Variants in METAP1D observed in about 807,000 individuals in gnomAD.
The protein encoded by METAP1D is methionine aminopeptidase 1D, mitochondrial.
In METAP1D, 31 loss-of-function variants were observed where a neutral mutation model predicts 40.5. That is an observed-to-expected ratio of 0.77 (90% CI 0.58 to 1.03). The LOEUF is 1.03. METAP1D is among the 50% of genes least tolerant of loss of function. The pLI is 0.00. For synonymous variants in METAP1D, 151 were observed against 146.4 expected, an observed-to-expected ratio of 1.03 and a Z score of -0.22; for missense variants, 411 against 420.7, an observed-to-expected ratio of 0.98 and a Z score of 0.20.
At chr2:172,027,335 T>C (rs992298430) in intron 1 of METAP1D, among the ~76,000 whole-genome samples, 1 of 152,212 alleles carries the variant, frequency 6.6e-6, no homozygotes, top group Non-Finnish European at 1.5e-5. Flanking sequence ...TATAATGCTG[T>C]TTTTACAGTA....
intron 1 of METAP1D, among the ~76,000 whole-genome samples, chr2:172,024,220 T>C (rs1689070798): frequency 6.6e-6 from 1 of 152,138 alleles, no homozygotes; most frequent in Non-Finnish European, 1.5e-5. Context: ...TTCCATAAAA[T>C]GTTGGGAAAA....
chr2:172,030,473 G>C (rs149250648), intron 1 of METAP1D, among the ~76,000 whole-genome samples: 66 of 152,230 alleles, frequency 4.3e-4, no homozygotes, highest in African/African-American at 1.6e-3. Flanking sequence ...AGGTCCAAGG[G>C]TGTGTGACAC....
At chr2:172,043,073 G>C (rs1689653634) in intron 1 of METAP1D, among the ~76,000 whole-genome samples, 1 of 108,550 alleles carries the variant, frequency 9.2e-6, no homozygotes, top group African/African-American at 2.9e-5. Context: ...ATATATACGT[G>C]TGTGTGTACA....
At chr2:172,054,032 AT>A (rs1379738173) in intron 1 of METAP1D, among the ~76,000 whole-genome samples, 2 of 152,188 alleles carry the variant, frequency 1.3e-5, no homozygotes, top group Non-Finnish European at 2.9e-5. Context: ...GAAAACTCAC[AT>A]TTTCAGGGAT....
Position 172,028,548 on chromosome 2 carries a change from G to GTTTTCCTACACATGAGCAGACTTC in METAP1D, c.40+28540_40+28541insTTTCCTACACATGAGCAGACTTCT, listed in dbSNP as rs1403133738. 6.0e-4 allele frequency among the ~76,000 whole-genome samples: 4 copies of GTTTTCCTACACATGAGCAGACTTC among 6,672 alleles called. No individual in the cohort carries two copies. The South Asian group carries it at 0.021, about 34-fold the overall frequency. The allele number at this position is 6,672 out of a possible 152,430, so 4.4% of individuals were successfully genotyped here. ...CAGACTTCTGTATGTGTGTCTGTGT[G>GTTTTCCTACACATGAGCAGACTTC]TGTGTGTGTGTGTGTGTGTGTGTGT... On this transcript the variant is annotated intron_variant, in intron 1 of 9. Transcript: ENST00000315796.
intron 1 of METAP1D, among the ~76,000 whole-genome samples, chr2:172,059,587 T>G (rs1690086289): frequency 6.6e-6 from 1 of 152,210 alleles, no homozygotes; most frequent in Admixed American, 6.5e-5. Flanking sequence ...AAGATTTGAA[T>G]TTCATGTATT....
intron 1 of METAP1D, among the ~76,000 whole-genome samples, chr2:172,035,226 C>G (rs1409689846): frequency 6.6e-6 from 1 of 151,170 alleles, no homozygotes; most frequent in Middle Eastern, 3.2e-3. Flanking sequence ...GTGCAGTGGC[C>G]CGATCTCAGC....
intron 1 of METAP1D, among the ~76,000 whole-genome samples, chr2:172,037,703 C>G (rs1689427614): frequency 6.6e-6 from 1 of 152,172 alleles, no homozygotes; most frequent in African/African-American, 2.4e-5. Context: ...TTCACTGGTT[C>G]CATCTGGGTT....
chr2:172,003,393 C>T (rs746091728), intron 1 of METAP1D, among the ~76,000 whole-genome samples: 20 of 152,160 alleles, frequency 1.3e-4, no homozygotes, highest in Non-Finnish European at 2.8e-4. Context: ...AGCAAGATCC[C>T]AGTGAATATG....
intron 1 of METAP1D, among the ~76,000 whole-genome samples, chr2:172,044,349 A>T (rs1434236038): frequency 8.4e-6 from 1 of 119,458 alleles, no homozygotes; most frequent in South Asian, 2.9e-4. Context: ...TCACGAGGTC[A>T]TGAGATCAAG....
chr2:172,074,169 G>A (rs545999823), intron 6 of METAP1D, among the ~76,000 whole-genome samples: 2 of 152,186 alleles, frequency 1.3e-5, no homozygotes, highest in South Asian at 2.1e-4. Flanking sequence ...GTACATATGA[G>A]TATATTGTGA....
In METAP1D at chr2:172,041,822, A is replaced by T. The variant is rs1243498012; in HGVS notation, c.41-19676A>T. 5.4e-5 allele frequency among the ~76,000 whole-genome samples: 5 copies of T among 93,214 alleles called. 1 individual carries two copies. Among genetic ancestry groups the T allele is most frequent in the African/African-American group, 1.7e-4 (5 of 29,506 alleles). 61.2% of individuals were successfully genotyped at this position (93,214 alleles called of 152,430 possible). A position where few individuals can be genotyped will look rare whatever the true frequency, so the allele number is the denominator to read the frequency against. On this transcript the variant is annotated intron_variant, in intron 1 of 9. Coordinates refer to ENST00000315796, the MANE Select transcript of METAP1D (RefSeq NM_199227.3). ...ATATATAGTTTTTTTTTTTTTTAAG[A>T]TGGAGTCTTACTCTGTTTCCCAGGC...
intron 1 of METAP1D, among the ~76,000 whole-genome samples, chr2:172,013,823 CT>C (rs35639666): frequency 0.056 from 7,098 of 127,684 alleles, 571 homozygotes; most frequent in East Asian, 0.5. Context: ...CTTTTTTTTT[CT>C]TTTTTTTTTT....
intron 1 of METAP1D, among the ~76,000 whole-genome samples, chr2:172,045,809 GTGTGTGTGTGTATATATATATATATATA>G (rs1218181316): frequency 7.1e-5 from 5 of 69,950 alleles, no homozygotes; most frequent in Non-Finnish European, 1.4e-4. Flanking sequence ...GTGTGTGTGT[GTGTGTGTGTGTATATATATATATATATA>G]TATATATATA....
intron 1 of METAP1D, among the ~76,000 whole-genome samples, chr2:172,050,640 T>TA (rs1283255370): frequency 6.6e-6 from 1 of 152,210 alleles, no homozygotes; most frequent in African/African-American, 2.4e-5. Context: ...ATTTGCCAGA[T>TA]GTTCTGTGCT....
At chr2:172,045,729 GTGTATATATA>G (rs1689727600) in intron 1 of METAP1D, among the ~76,000 whole-genome samples, 1 of 85,430 alleles carries the variant, frequency 1.2e-5, no homozygotes, top group Non-Finnish European at 2.8e-5. Context: ...GTGTGTGTGT[GTGTATATATA>G]TGTGTATATA....
At chr2:172,023,947 TG>T (rs1235220996) in intron 1 of METAP1D, among the ~76,000 whole-genome samples, 2 of 151,122 alleles carry the variant, frequency 1.3e-5, no homozygotes, top group African/African-American at 4.9e-5. Context: ...CTCTGCCTCC[TG>T]GGTTCACGCC....
At chr2:172,065,325 G>A (rs1690246729) in intron 3 of METAP1D, among the ~76,000 whole-genome samples, 1 of 152,186 alleles carries the variant, frequency 6.6e-6, no homozygotes, top group Admixed American at 6.5e-5. Flanking sequence ...CCAAAAGGGA[G>A]TTATGTCATT....
chr2:172,021,023 C>T (rs768579872), intron 1 of METAP1D, among the ~76,000 whole-genome samples: 38 of 151,668 alleles, frequency 2.5e-4, no homozygotes, highest in Non-Finnish European at 8.8e-5. Context: ...TTTTTTACTA[C>T]TATTAAAAAA....
Sources: allele counts gnomAD v4.1 joint callset (sites outside exome capture counted in the v4.1 genomes callset), GRCh38; gene constraint gnomAD v4.1.1; transcripts MANE v1.5; gene names NCBI Gene and HGNC (gene_info 2026-07-23, HGNC 2026-07-21).